Variants in TARS2 observed in about 807,000 individuals in gnomAD.
TARS2 encodes threonyl-tRNA synthetase 2, mitochondrial, also known as threonine--tRNA ligase, mitochondrial.
A neutral mutation model predicts 94.4 loss-of-function variants in TARS2; 61 were observed. That is an observed-to-expected ratio of 0.65 (90% CI 0.53 to 0.80). The LOEUF is 0.80. Among genes scored for constraint, TARS2 ranks in the 30% least tolerant of loss-of-function variants. TARS2 has a pLI of 0.00. For missense variants in TARS2, 704 were observed against 902.5 expected, an observed-to-expected ratio of 0.78 and a Z score of 2.82; for synonymous variants, 359 against 353.4, an observed-to-expected ratio of 1.02 and a Z score of -0.18.
rs772454527 is a variant in TARS2, at chr1:150,490,114, C to CTTTTTTTTT, written c.388-473_388-465dup. Among the ~76,000 whole-genome samples the CTTTTTTTTT allele has an allele frequency of 5.1e-4, 41 of 80,192 alleles. 2 individuals carry two copies. The highest frequency in any genetic ancestry group is 7.3e-4 in the African/African-American group (14 of 19,194). 52.6% of individuals were successfully genotyped at this position (80,192 alleles called of 152,430 possible). A position where few individuals can be genotyped will look rare whatever the true frequency, so the allele number is the denominator to read the frequency against. Reference sequence around the variant, plus strand: ...TGGCCTTCTTTCTTTTCTATTCAGTCTTTTTTTTTTTTTTTTTTTTTTGAG... The same window carrying CTTTTTTTTT: ...TGGCCTTCTTTCTTTTCTATTCAGTCTTTTTTTTTTTTTTTTTTTTTTTTTTTTTTTGAG... On this transcript the variant is annotated intron_variant, in intron 3 of 17. Coordinates refer to ENST00000369064, the MANE Select transcript of TARS2 (RefSeq NM_025150.5).
At chr1:150,492,881 G>A (rs1036872282) in intron 7 of TARS2, among the ~76,000 whole-genome samples, 4 of 149,506 alleles carry the variant, frequency 2.7e-5, no homozygotes, top group African/African-American at 9.8e-5. Flanking sequence ...ACTTTCTGTC[G>A]GCACCCCCCT....
At chr1:150,502,884 T>C (rs1669987953) in intron 13 of TARS2, among the ~76,000 whole-genome samples, 1 of 152,168 alleles carries the variant, frequency 6.6e-6, no homozygotes, top group Non-Finnish European at 1.5e-5. Context: ...ATTTCAGCAA[T>C]AACAGTAGGC....
intron 11 of TARS2, 38 bp from the exon 12 acceptor site, chr1:150,498,859 G>A (rs780772043): frequency 5.1e-5 from 83 of 1,613,232 alleles, no homozygotes; most frequent in Admixed American, 1.0e-4. Context: ...GATCTCTAGC[G>A]GGCTCACAGC....
intron 7 of TARS2, among the ~76,000 whole-genome samples, chr1:150,495,813 G>A (rs147582895): frequency 3.3e-4 from 50 of 151,942 alleles, no homozygotes; most frequent in East Asian, 1.4e-3. Flanking sequence ...TCCACCTTCC[G>A]GGTTCATGCC....
rs370477849 is a variant in TARS2, at chr1:150,487,427, A to T, written c.-24A>T. On this transcript the variant is annotated 5_prime_UTR_variant, in exon 1 of 18. An upstream start codon of the reference 5' UTR is lost. Transcript: ENST00000369064. ...AGAAGCGGCGATAATCTGTTTGAGG[A>T]TGTAGGCACTGGTGTGAAGGAACAT... 19 of 1,614,150 alleles carry T rather than the reference A, an allele frequency of 1.2e-5. No homozygotes were observed. Among genetic ancestry groups the T allele is most frequent in the Non-Finnish European group, 1.6e-5 (19 of 1,180,028 alleles).
At chr1:150,503,625 GTATA>G (rs1263338831) in intron 13 of TARS2, among the ~76,000 whole-genome samples, 6 of 118,656 alleles carry the variant, frequency 5.1e-5, no homozygotes, top group African/African-American at 1.9e-4. Context: ...ATATGTGTGT[GTATA>G]TATGTGTGTG....
intron 11 of TARS2, 33 bp downstream of exon 11, chr1:150,498,697 T>C (rs1560253142): frequency 5.0e-6 from 8 of 1,613,244 alleles, no homozygotes; most frequent in Non-Finnish European, 6.8e-6. Context: ...AAAGCTTTTC[T>C]AAACCACCTT....
At position 150,488,124 on chromosome 1, in the gene TARS2, G is replaced by C. The variant is rs1669230595; in HGVS notation, c.263+70G>C. 3.3e-6 allele frequency: 5 copies of C among 1,528,032 alleles called. No homozygotes were observed. The South Asian group carries it at 4.9e-5, about 15-fold the overall frequency. 94.7% of individuals were successfully genotyped at this position (1,528,032 alleles called of 1,614,324 possible). On this transcript the variant is annotated intron_variant, in intron 2 of 17. Transcript: ENST00000369064. ...TTTACTTTCTCTTCACTTGAGCAGG[G>C]GAAGAAAACTTGGTCTGCTTGTTTC...
chr1:150,498,782 AC>A, intron 11 of TARS2, 114 bp from the exon 12 acceptor site: 2 of 1,606,172 alleles, frequency 1.2e-6, no homozygotes, highest in Non-Finnish European at 1.7e-6. Context: ...GCTACATTCT[AC>A]CCCCAGCTTG....
chr1:150,491,389 T>G lies in TARS2; in HGVS notation c.513-5T>G. On this transcript the variant is annotated splice_polypyrimidine_tract_variant and splice_region_variant and intron_variant, in intron 4 of 17. Transcript: ENST00000369064. ...ATGCAACCCAACCAATTCTCCTCTT[T>G]CCAGGACAATCCGGGGCTCAGAGCT... 3.7e-6 allele frequency: 6 copies of G among 1,612,476 alleles called. No individual in the cohort carries two copies. Among genetic ancestry groups the G allele is most frequent in the Non-Finnish European group, 5.1e-6 (6 of 1,180,002 alleles).
chr1:150,487,673 C>T (rs1185455968), intron 1 of TARS2, among the ~76,000 whole-genome samples, 157 bp downstream of exon 1: 2 of 152,182 alleles, frequency 1.3e-5, no homozygotes, highest in East Asian at 3.9e-4. Flanking sequence ...ATCTAATTCT[C>T]GAGTTAGCGG....
chr1:150,489,242 CTT>C, intron 3 of TARS2, 155 bp downstream of exon 3: 1 of 1,146,430 alleles, frequency 8.7e-7, no homozygotes, highest in Non-Finnish European at 1.3e-6. Context: ...GGTTAGGAAA[CTT>C]ATGGTGAAAG....
At position 150,497,648 on chromosome 1, in the gene TARS2, C is replaced by A. The variant is rs587721894; in HGVS notation, c.1139C>A (p.Pro380His). 9.0e-5 allele frequency: 146 copies of A among 1,614,128 alleles called. 1 individual carries two copies. Among genetic ancestry groups the A allele is most frequent in the South Asian group, 5.7e-4 (52 of 91,078 alleles). The change falls in exon 10 of 18, where the codon CCC becomes CAC. Residue 380 changes from proline to histidine, a missense_variant. Around this residue, in one of 3 missense-constraint regions of TARS2, gnomAD observed 466 missense variants for 609.5 expected, o/e 0.76. Transcript: ENST00000369064. ...CAGGAAGACATGTTTGCCGTGCAGC[C>A]CCCAGGCTCTGACAGGCCTCCCAGC... is the stretch of plus-strand genomic sequence containing the variant. ...HYQEDMFAVQPPGSDRPPSSQ... is the reference protein window; with the variant it reads ...HYQEDMFAVQHPGSDRPPSSQ...
rs193235623 is a variant in TARS2 at position 150,495,363 on chromosome 1, T to C, written c.775-1119T>C. 1.4e-4 allele frequency among the ~76,000 whole-genome samples: 22 copies of C among 151,732 alleles called. No homozygotes were observed. In the East Asian group the frequency reaches 2.5e-3, roughly 18 times the overall value. On this transcript the variant is annotated intron_variant, in intron 7 of 17. Transcript: ENST00000369064. ...CACACACACACACACGTATAGACTG[T>C]TTCTCATTAGTACTGTTTAACAGTT...
At chr1:150,494,370 CAAAAA>C (rs377287320) in intron 7 of TARS2, among the ~76,000 whole-genome samples, 1 of 92,010 alleles carries the variant, frequency 1.1e-5, no homozygotes, top group African/African-American at 3.4e-5. Context: ...GACAACATCT[CAAAAA>C]AAAAAAAAAA....
intron 13 of TARS2, among the ~76,000 whole-genome samples, chr1:150,500,081 G>A (rs2102497921): frequency 6.6e-6 from 1 of 152,122 alleles, no homozygotes; most frequent in South Asian, 2.1e-4. Context: ...AGGCTGAGAT[G>A]GGAGGATCAC....
intron 13 of TARS2, among the ~76,000 whole-genome samples, chr1:150,503,545 ATGTGTG>A (rs368609900): frequency 2.0e-4 from 19 of 95,606 alleles, no homozygotes; most frequent in Middle Eastern, 4.7e-3. Flanking sequence ...AAATACACAT[ATGTGTG>A]TGTGTGTGTG....
intron 13 of TARS2, among the ~76,000 whole-genome samples, chr1:150,501,502 C>CTT (rs200789049): frequency 5.4e-5 from 7 of 130,772 alleles, no homozygotes; most frequent in South Asian, 2.5e-4. Context: ...TAATTTTTTT[C>CTT]TTTTTTTTTT....
At chr1:150,505,380 T>G (rs1193535788) in intron 16 of TARS2, among the ~76,000 whole-genome samples, 1 of 151,552 alleles carries the variant, frequency 6.6e-6, no homozygotes, top group Non-Finnish European at 1.5e-5. Flanking sequence ...TCATCTCCAG[T>G]AGGAGGCAGA....
Sources: gnomAD v4.1 joint callset for allele counts (sites outside exome capture counted in the v4.1 genomes callset) on GRCh38, gnomAD v4.1.1 for gene constraint, gnomAD v4.1.1 regional missense constraint, MANE v1.5 for transcripts, NCBI Gene and HGNC (gene_info 2026-07-23, HGNC 2026-07-21) for gene names.